Variants in ERO1B observed in about 807,000 individuals in gnomAD.
ERO1B encodes endoplasmic reticulum oxidoreductase 1 beta.
In ERO1B, 49 loss-of-function variants were observed where a neutral mutation model predicts 75.3. That is an observed-to-expected ratio of 0.65 (90% CI 0.52 to 0.83). ERO1B has a LOEUF of 0.83. ERO1B is among the 40% of genes least tolerant of loss of function. ERO1B has a pLI of 0.00. For synonymous variants in ERO1B, 191 were observed against 192.9 expected, an observed-to-expected ratio of 0.99 and a Z score of 0.08; for missense variants, 512 against 560.1, an observed-to-expected ratio of 0.91 and a Z score of 0.87.
chr1:236,254,282 C>T (rs1167554118), intron 2 of ERO1B, among the ~76,000 whole-genome samples: 8 of 152,178 alleles, frequency 5.3e-5, no homozygotes, highest in African/African-American at 1.9e-4. Flanking sequence ...CTCCTTCCTC[C>T]CTTTTCTTGT....
intron 15 of ERO1B, among the ~76,000 whole-genome samples, chr1:236,219,309 G>A (rs13376521): frequency 0.02 from 3,023 of 152,128 alleles, 98 homozygotes; most frequent in African/African-American, 0.07. Context: ...CTACTAAAGG[G>A]CAGGCCAGGA....
Position 236,220,970 on chromosome 1 carries a change from A to G in ERO1B, c.1210-5T>C. The G allele has an allele frequency of 1.3e-6, 2 of 1,521,760 alleles. No individual in the cohort carries two copies. Among genetic ancestry groups the G allele is most frequent in the South Asian group, 1.4e-5 (1 of 71,692 alleles). 94.3% of individuals were successfully genotyped at this position (1,521,760 alleles called of 1,614,324 possible). ...GGCAGTTCCTAAACCCTGAGTCTAA[A>G]GAAAATAGCAATAAACTCATAATTA... On this transcript the variant is annotated splice_polypyrimidine_tract_variant and splice_region_variant and intron_variant, in intron 14 of 15. Transcript: ENST00000354619.
At chr1:236,276,590 G>A (rs954962959) in intron 1 of ERO1B, among the ~76,000 whole-genome samples, 14 of 152,176 alleles carry the variant, frequency 9.2e-5, no homozygotes, top group Non-Finnish European at 1.6e-4. Flanking sequence ...CAAACCGTTG[G>A]CCTTAGCAAC....
chr1:236,244,732 T>C (rs550871454), intron 5 of ERO1B, among the ~76,000 whole-genome samples: 1 of 152,254 alleles, frequency 6.6e-6, no homozygotes, highest in African/African-American at 2.4e-5. Flanking sequence ...CGAAAAAACA[T>C]TGAATGTGCA....
intron 8 of ERO1B, among the ~76,000 whole-genome samples, chr1:236,233,592 T>C (rs1664468635): frequency 6.7e-6 from 1 of 149,722 alleles, no homozygotes; most frequent in South Asian, 2.1e-4. Context: ...AGTGCGACTC[T>C]GTCTCAAGAA....
chr1:236,239,813 A>G (rs200420595), intron 6 of ERO1B, among the ~76,000 whole-genome samples: 14 of 47,320 alleles, frequency 3.0e-4, no homozygotes, highest in East Asian at 1.6e-3. Flanking sequence ...ATATGTGTGT[A>G]TATATATATG....
chr1:236,243,689 T>G (rs921747918), intron 5 of ERO1B, among the ~76,000 whole-genome samples, 194 bp from the exon 6 acceptor site: 1 of 152,130 alleles, frequency 6.6e-6, no homozygotes, highest in Admixed American at 6.5e-5. Context: ...TTAATTTCCT[T>G]GAGTAATTTA....
At chr1:236,237,451 C>A (rs1161539215) in intron 6 of ERO1B, among the ~76,000 whole-genome samples, 4 of 152,022 alleles carry the variant, frequency 2.6e-5, no homozygotes, top group Admixed American at 6.6e-5. Context: ...CTGAGAAATA[C>A]AAAAGATTTT....
chr1:236,225,990 A>G (rs192955492), intron 12 of ERO1B, among the ~76,000 whole-genome samples: 10 of 152,362 alleles, frequency 6.6e-5, no homozygotes, highest in African/African-American at 1.9e-4. Flanking sequence ...TAGAAAGACC[A>G]TTAAAGTAGC....
chr1:236,275,546 C>T (rs1279124022), intron 1 of ERO1B, among the ~76,000 whole-genome samples: 1 of 152,210 alleles, frequency 6.6e-6, no homozygotes, highest in Non-Finnish European at 1.5e-5. Context: ...GGAAGCTCAT[C>T]AAATCAAGTT....
chr1:236,268,528 G>T (rs1407111222), intron 2 of ERO1B, among the ~76,000 whole-genome samples: 6 of 152,282 alleles, frequency 3.9e-5, no homozygotes, highest in Admixed American at 3.3e-4. Context: ...TCAATCGATA[G>T]ATCACTTGAA....
Position 236,218,234 on chromosome 1 carries a change from A to G in ERO1B, c.*282T>C, listed in dbSNP as rs1450644152. 1 of 175,932 alleles carries G rather than the reference A, an allele frequency of 5.7e-6. No individual in the cohort carries two copies. Among genetic ancestry groups the G allele is most frequent in the Non-Finnish European group, 1.2e-5 (1 of 85,342 alleles). 10.9% of individuals were successfully genotyped at this position (175,932 alleles called of 1,614,324 possible). A position where few individuals can be genotyped will look rare whatever the true frequency, so the allele number is the denominator to read the frequency against. ...TAAAGGATAATAGAATAAAAACAAA[A>G]CCAATTCTAAAAAAAATAGAATTTT... On this transcript the variant is annotated 3_prime_UTR_variant, in exon 16 of 16. Coordinates refer to ENST00000354619, the MANE Select transcript of ERO1B (RefSeq NM_019891.4).
intron 2 of ERO1B, among the ~76,000 whole-genome samples, chr1:236,262,413 G>GT (rs1193160603): frequency 1.3e-5 from 2 of 151,840 alleles, no homozygotes; most frequent in Admixed American, 6.6e-5. Context: ...TTTTTTGTTT[G>GT]TTTTTTTGAG....
rs149518771 is a variant in ERO1B, at chr1:236,236,209, G to T, written c.626+69C>A. 1,680 of 1,593,202 alleles carry T rather than the reference G, an allele frequency of 1.1e-3. 16 individuals are homozygous for T. The African/African-American group carries it at 0.016, about 16-fold the overall frequency. ...CCCAAAGTGCTGGGATTACAGGCGT[G>T]AGCCACAGCACCCGGCCTCTCCCGA... On this transcript the variant is annotated intron_variant, in intron 7 of 15. Transcript: ENST00000354619.
intron 2 of ERO1B, among the ~76,000 whole-genome samples, chr1:236,255,330 A>C (rs535342691): frequency 6.6e-6 from 1 of 152,002 alleles, no homozygotes; most frequent in East Asian, 1.9e-4. Context: ...TCTCTCTCAC[A>C]TATCACACCT....
chr1:236,239,857 A>ATATGTATATATATGTGTATATATATG (rs771310245), intron 6 of ERO1B, among the ~76,000 whole-genome samples: 3 of 39,730 alleles, frequency 7.6e-5, no homozygotes, highest in Admixed American at 3.1e-4. Flanking sequence ...ATGTGTATAT[A>ATATGTATATATATGTGTATATATATG]TGTATATATA....
Position 236,218,181 on chromosome 1 carries a change from T to C in ERO1B, c.*335A>G, listed in dbSNP as rs1434011574. On this transcript the variant is annotated 3_prime_UTR_variant, in exon 16 of 16. Coordinates refer to ENST00000354619, the MANE Select transcript of ERO1B (RefSeq NM_019891.4). ...GAACAGTGTTATTAGAATGCAGACATAGCCATTTAAAGTTTGACAACTGGA... is the reference window on the plus strand; with the variant it reads ...GAACAGTGTTATTAGAATGCAGACACAGCCATTTAAAGTTTGACAACTGGA... 1 of 156,008 alleles carries C rather than the reference T, an allele frequency of 6.4e-6. No homozygotes were observed. The highest frequency in any genetic ancestry group is 1.4e-5 in the Non-Finnish European group (1 of 70,756). The allele number at this position is 156,008 out of a possible 1,614,324, so 9.7% of individuals were successfully genotyped here.
rs1370575653 is a variant in ERO1B at position 236,249,938 on chromosome 1, T to C, written c.378A>G (p.Glu126=). ...KYLKMANNTK[E]LEDCEQANKL... ...TATTAGCTTGCTCACAATCTTCTAA[T>C]TCTTTGGTATTGTTTGCCATTTTCA... The change falls in exon 5 of 16, where the codon GAA becomes GAG. Residue 126 remains glutamate (E), a synonymous_variant. Transcript: ENST00000354619. 1.2e-6 allele frequency: 2 copies of C among 1,603,520 alleles called. No individual in the cohort carries two copies. The highest frequency in any genetic ancestry group is 8.5e-7 in the Non-Finnish European group (1 of 1,176,040).
rs1482627708 is a variant in ERO1B, at chr1:236,216,036, C to CT, written c.*2479dup. 2.0e-5 allele frequency: 3 copies of CT among 152,096 alleles called. No homozygotes were observed. Among genetic ancestry groups the CT allele is most frequent in the Non-Finnish European group, 4.4e-5 (3 of 68,008 alleles). The allele number at this position is 152,096 out of a possible 1,614,324, so 9.4% of individuals were successfully genotyped here. A position where few individuals can be genotyped will look rare whatever the true frequency, so the allele number is the denominator to read the frequency against. ...TATTCTGTCTGATCCTCCTCATAAT[C>CT]TAAGAATCAAAACAGGAGAAACATT... On this transcript the variant is annotated 3_prime_UTR_variant, in exon 16 of 16. Coordinates refer to ENST00000354619, the MANE Select transcript of ERO1B (RefSeq NM_019891.4).
Sources: allele counts gnomAD v4.1 joint callset (sites outside exome capture counted in the v4.1 genomes callset), GRCh38; gene constraint gnomAD v4.1.1; transcripts MANE v1.5; gene names NCBI Gene and HGNC (gene_info 2026-07-23, HGNC 2026-07-21).